The following ALDH1A2 variants were observed in gnomAD, a reference collection of about 807,000 sequenced individuals.
The protein encoded by ALDH1A2 is aldehyde dehydrogenase 1 family member A2.
Under a neutral mutation model 60.3 loss-of-function variants are expected in ALDH1A2, and 27 were observed. That is an observed-to-expected ratio of 0.45 (90% CI 0.33 to 0.62). The LOEUF (loss-of-function observed/expected upper bound fraction) is 0.62, where lower values mean the gene tolerates loss of function less well. Ranked by LOEUF, ALDH1A2 falls within the 20% of genes least tolerant of loss-of-function variation. The pLI is 0.02. For synonymous variants in ALDH1A2, 289 were observed against 232.4 expected (o/e 1.24, Z -2.21); for missense variants, 581 against 643.8 (o/e 0.90, Z 1.06).
chr15:58,054,650 C>G (rs1438269944), intron 1 of ALDH1A2, among the ~76,000 whole-genome samples: 1 of 152,092 alleles, frequency 6.6e-6, no homozygotes, highest in Admixed American at 6.6e-5. Flanking sequence ...CACTGGGGCA[C>G]AGAAAGCATT....
Position 57,965,712 on chromosome 15 carries a change from G to A in ALDH1A2, c.901+13C>T. On this transcript the variant is annotated intron_variant, in intron 8 of 12. Coordinates refer to ENST00000249750, the MANE Select transcript of ALDH1A2 (RefSeq NM_003888.4). ...GTGTGGTGGTTCATGTATGGGACCT[G>A]TAGTTGACTTACAGTCAGCATCAGC... 1 of 1,590,218 alleles carries A rather than the reference G, an allele frequency of 6.3e-7. No homozygotes were observed. The highest frequency in any genetic ancestry group is 8.6e-7 in the Non-Finnish European group (1 of 1,158,178).
Position 57,955,139 on chromosome 15 carries a change from A to G in ALDH1A2, c.*58T>C, listed in dbSNP as rs368810250. The G allele has an allele frequency of 3.3e-6, 5 of 1,535,098 alleles. No homozygotes were observed. The African/African-American group carries it at 6.8e-5, about 21-fold the overall frequency. On this transcript the variant is annotated 3_prime_UTR_variant, in exon 13 of 13. Coordinates refer to ENST00000249750, the MANE Select transcript of ALDH1A2 (RefSeq NM_003888.4). Reference sequence around the variant, plus strand: ...TGTATTCCTGAGAGCTGGGCCCTACAGAGAAAGCAGAGAGGGACAGACGTG... The same window carrying G: ...TGTATTCCTGAGAGCTGGGCCCTACGGAGAAAGCAGAGAGGGACAGACGTG...
intron 1 of ALDH1A2, among the ~76,000 whole-genome samples, chr15:58,030,547 A>G (rs572203194): frequency 1.9e-4 from 29 of 152,310 alleles, no homozygotes; most frequent in African/African-American, 7.0e-4. Flanking sequence ...CAGGGCAATC[A>G]GAGAAGAGAA....
intron 10 of ALDH1A2, among the ~76,000 whole-genome samples, chr15:57,961,501 C>A (rs1167395314): frequency 1.3e-5 from 2 of 152,172 alleles, no homozygotes; most frequent in African/African-American, 4.8e-5. Context: ...ACTTCCCCAA[C>A]CTCTCCAGCA....
chr15:57,990,811 G>A (rs539682325), intron 7 of ALDH1A2, among the ~76,000 whole-genome samples: 11 of 145,200 alleles, frequency 7.6e-5, no homozygotes, highest in Non-Finnish European at 1.2e-4. Flanking sequence ...GGGGGGCGGA[G>A]GTTGCTGTGA....
chr15:57,960,973 A>C, intron 11 of ALDH1A2, 129 bp from the exon 12 acceptor site: 1 of 1,339,158 alleles, frequency 7.5e-7, no homozygotes, highest in Non-Finnish European at 1.0e-6. Flanking sequence ...TGTAATTTAA[A>C]ATCTACTTTG....
At chr15:58,034,356 G>GT (rs1475134987) in intron 1 of ALDH1A2, among the ~76,000 whole-genome samples, 3 of 151,466 alleles carry the variant, frequency 2.0e-5, no homozygotes, top group African/African-American at 4.8e-5. Flanking sequence ...AGTTCTAGAT[G>GT]TTTTTTTCTT....
At chr15:58,065,179 C>T (rs1363742232) in intron 1 of ALDH1A2, 1 of 304,484 alleles carries the variant, frequency 3.3e-6, no homozygotes, top group African/African-American at 2.3e-5. Flanking sequence ...GACGGGGAAC[C>T]CCGGCCTCCA....
chr15:58,033,907 C>A (rs1377642778), intron 1 of ALDH1A2, among the ~76,000 whole-genome samples: 1 of 150,874 alleles, frequency 6.6e-6, no homozygotes, highest in Non-Finnish European at 1.5e-5. Flanking sequence ...AGTAACTCTT[C>A]AAATTGGATA....
intron 1 of ALDH1A2, among the ~76,000 whole-genome samples, chr15:58,054,940 T>C: frequency 6.6e-6 from 1 of 152,102 alleles, no homozygotes; most frequent in East Asian, 1.9e-4. Flanking sequence ...CTCCCATTTT[T>C]GTCTGGTTGG....
At chr15:57,956,457 T>C (rs1419801956) in intron 12 of ALDH1A2, among the ~76,000 whole-genome samples, 2 of 152,194 alleles carry the variant, frequency 1.3e-5, no homozygotes, top group Non-Finnish European at 2.9e-5. Flanking sequence ...GGAGCCCCCA[T>C]GGCCTACATA....
At chr15:57,965,889 A>G (rs1174719111) in intron 7 of ALDH1A2, 62 bp from the exon 8 acceptor site, 1 of 1,303,018 alleles carries the variant, frequency 7.7e-7, no homozygotes, top group Non-Finnish European at 1.1e-6. Context: ...TCACCGGCCA[A>G]TGCCAGCTCA....
At chr15:57,985,496 A>T (rs2140480663) in intron 7 of ALDH1A2, among the ~76,000 whole-genome samples, 1 of 152,316 alleles carries the variant, frequency 6.6e-6, no homozygotes, top group South Asian at 2.1e-4. Flanking sequence ...CTATTATTAA[A>T]CCAATTTTGT....
intron 1 of ALDH1A2, among the ~76,000 whole-genome samples, chr15:58,037,029 AAAG>A (rs1419780309): frequency 1.3e-5 from 2 of 151,672 alleles, no homozygotes; most frequent in Non-Finnish European, 3.0e-5. Context: ...GAAGTGTAAC[AAAG>A]AAGAAAGAAA....
intron 4 of ALDH1A2, among the ~76,000 whole-genome samples, chr15:58,000,997 G>A (rs1595656773): frequency 7.5e-6 from 1 of 132,606 alleles, no homozygotes; most frequent in Non-Finnish European, 1.5e-5. Context: ...TATAGTGTAG[G>A]AGAATCTGAT....
intron 1 of ALDH1A2, among the ~76,000 whole-genome samples, chr15:58,026,517 T>G (rs1896083689): frequency 6.6e-6 from 1 of 152,224 alleles, no homozygotes; most frequent in South Asian, 2.1e-4. Flanking sequence ...TGGGACTGGT[T>G]CGACAGTGGG....
intron 7 of ALDH1A2, chr15:57,991,713 T>G (rs768294120): frequency 6.6e-6 from 1 of 152,264 alleles, no homozygotes; most frequent in Non-Finnish European, 1.5e-5. Context: ...TGGATTAAAG[T>G]TATTAACATT....
At chr15:58,045,818 C>G (rs1482256643) in intron 1 of ALDH1A2, among the ~76,000 whole-genome samples, 1 of 151,908 alleles carries the variant, frequency 6.6e-6, no homozygotes, top group Non-Finnish European at 1.5e-5. Context: ...TACCCTAGAA[C>G]TTAAAGTATA....
chr15:58,027,943 G>A (rs566727649), intron 1 of ALDH1A2, among the ~76,000 whole-genome samples: 25 of 152,198 alleles, frequency 1.6e-4, no homozygotes, highest in African/African-American at 4.6e-4. Flanking sequence ...TGAAAGTGAC[G>A]GGGACAATGG....
Sources: gnomAD v4.1 joint callset for allele counts (sites outside exome capture counted in the v4.1 genomes callset) on GRCh38, gnomAD v4.1.1 for gene constraint, MANE v1.5 for transcripts, NCBI Gene and HGNC (gene_info 2026-07-23, HGNC 2026-07-21) for gene names.